The following CSMD2 variants were observed in gnomAD, a reference collection of about 807,000 sequenced individuals.
The protein encoded by CSMD2 is CUB and Sushi multiple domains 2.
In CSMD2, 130 loss-of-function variants were observed where a neutral mutation model predicts 398.5. That is an observed-to-expected ratio of 0.33 (90% CI 0.28 to 0.38). CSMD2 has a LOEUF of 0.38. CSMD2 is among the 10% of genes least tolerant of loss of function. The pLI is 1.00. For missense variants in CSMD2, 3,829 were observed against 4,764.9 expected, an observed-to-expected ratio of 0.80 and a Z score of 5.78; for synonymous variants, 1,828 against 1,908.5, an observed-to-expected ratio of 0.96 and a Z score of 1.10.
intron 5 of CSMD2, among the ~76,000 whole-genome samples, chr1:33,896,915 C>T (rs1011520630): frequency 7.3e-5 from 11 of 151,194 alleles, no homozygotes; most frequent in African/African-American, 2.2e-4. Flanking sequence ...GAAGAGCACG[C>T]GTGGCATCTA....
chr1:33,914,183 G>A (rs1203277405), intron 5 of CSMD2, among the ~76,000 whole-genome samples: 1 of 152,152 alleles, frequency 6.6e-6, no homozygotes. Context: ...TCAGAGCAGA[G>A]CAGAGAAAGA....
chr1:34,026,292 C>G (rs559874105), intron 3 of CSMD2, among the ~76,000 whole-genome samples: 124 of 149,806 alleles, frequency 8.3e-4, no homozygotes, highest in Non-Finnish European at 1.5e-3. Flanking sequence ...TGTACTATGC[C>G]ACCTTTCCCC....
intron 44 of CSMD2, among the ~76,000 whole-genome samples, chr1:33,590,294 ATTTTTTTTTTTTTT>A (rs56252015): frequency 1.4e-5 from 1 of 73,862 alleles, no homozygotes; most frequent in Non-Finnish European, 2.5e-5. Context: ...GCTAATTAAA[ATTTTTTTTTTTTTT>A]TTTTTTTTTT....
At chr1:33,604,975 C>G (rs950472555) in intron 42 of CSMD2, among the ~76,000 whole-genome samples, 3 of 152,328 alleles carry the variant, frequency 2.0e-5, no homozygotes, top group African/African-American at 4.8e-5. Context: ...TCACATGGAG[C>G]CTTCCCTTCC....
In CSMD2 at chr1:33,751,001, C is replaced by T. The variant is rs148088929; in HGVS notation, c.1847-7395G>A. On this transcript the variant is annotated intron_variant, in intron 13 of 70. Transcript: ENST00000373381. Reference sequence around the variant, plus strand: ...GAGACAAATGGAGAGAAAATATGTGCAAGTTACTACATTTAAATATTTACT... The same window carrying T: ...GAGACAAATGGAGAGAAAATATGTGTAAGTTACTACATTTAAATATTTACT... Among the ~76,000 whole-genome samples, 13 of 152,090 alleles carry T rather than the reference C, an allele frequency of 8.5e-5. No individual in the cohort carries two copies. In the East Asian group the frequency reaches 2.3e-3, roughly 27 times the overall value.
At chr1:33,844,647 C>T (rs940876779) in intron 6 of CSMD2, among the ~76,000 whole-genome samples, 27 of 152,190 alleles carry the variant, frequency 1.8e-4, no homozygotes, top group African/African-American at 6.5e-4. Flanking sequence ...CTGGCTCCTA[C>T]ATACTATTAA....
intron 23 of CSMD2, among the ~76,000 whole-genome samples, chr1:33,699,717 C>A (rs1422324325): frequency 3.3e-5 from 5 of 152,220 alleles, no homozygotes; most frequent in Non-Finnish European, 7.3e-5. Context: ...CATACATTCT[C>A]CCACCTAATG....
At chr1:33,926,468 C>T (rs1004618538) in intron 4 of CSMD2, among the ~76,000 whole-genome samples, 7 of 152,322 alleles carry the variant, frequency 4.6e-5, no homozygotes, top group African/African-American at 1.7e-4. Flanking sequence ...CTACCAGTCT[C>T]CTCTGAAGGC....
intron 6 of CSMD2, among the ~76,000 whole-genome samples, chr1:33,829,429 T>C (rs1426376594): frequency 1.3e-5 from 2 of 152,216 alleles, no homozygotes; most frequent in African/African-American, 4.8e-5. Context: ...TCAGGGTACA[T>C]GTGCACAACG....
rs61743144 is a variant in CSMD2 at position 33,724,288 on chromosome 1, G to A, written c.2910C>T (p.Gly970=). Residue 970 remains glycine (G), a synonymous_variant, in exon 19 of 71, where the codon GGC becomes GGT. Coordinates refer to ENST00000373381, the MANE Select transcript of CSMD2 (RefSeq NM_001281956.2). The part of the protein sequence containing the change: ...CEALCGGFIQ[G]SSGTILSPGF... ...CTGGCGACAAGATGGTCCCACTGGA[G>A]CCTTGAATGAAGCCACCACAGAGAG... The A allele has an allele frequency of 0.021, 34,065 of 1,613,646 alleles. 851 individuals carry two copies. Among genetic ancestry groups the A allele is most frequent in the Admixed American group, 0.09 (5,398 of 60,002 alleles).
At chr1:33,843,403 T>C (rs1421857514) in intron 6 of CSMD2, among the ~76,000 whole-genome samples, 1 of 152,236 alleles carries the variant, frequency 6.6e-6, no homozygotes, top group Non-Finnish European at 1.5e-5. Context: ...TTATTTTAAG[T>C]TTACTTCTTT....
intron 3 of CSMD2, among the ~76,000 whole-genome samples, chr1:33,989,883 G>A (rs1216338284): frequency 6.6e-6 from 1 of 152,134 alleles, no homozygotes; most frequent in Admixed American, 6.5e-5. Context: ...AACTTTTGGG[G>A]GCGATGGAGA....
chr1:34,068,995 T>C (rs1481327237), intron 2 of CSMD2, among the ~76,000 whole-genome samples: 1 of 152,226 alleles, frequency 6.6e-6, no homozygotes, highest in African/African-American at 2.4e-5. Flanking sequence ...GTCTTAGGTA[T>C]GTCTTTATCA....
At chr1:33,953,939 T>G (rs1645083029) in intron 3 of CSMD2, among the ~76,000 whole-genome samples, 1 of 152,162 alleles carries the variant, frequency 6.6e-6, no homozygotes, top group Non-Finnish European at 1.5e-5. Flanking sequence ...TGCCCAGTGA[T>G]TCTGGTTCCC....
intron 3 of CSMD2, among the ~76,000 whole-genome samples, chr1:34,006,611 T>C (rs1403378202): frequency 1.3e-5 from 2 of 152,190 alleles, no homozygotes; most frequent in Non-Finnish European, 2.9e-5. Context: ...TTGTCTGTCT[T>C]ACTTGTGAGC....
At chr1:34,038,355 C>T (rs1295234172) in intron 2 of CSMD2, among the ~76,000 whole-genome samples, 1 of 152,162 alleles carries the variant, frequency 6.6e-6, no homozygotes, top group Non-Finnish European at 1.5e-5. Context: ...ATGAGTTATC[C>T]TCCTTGCAGA....
At position 33,832,302 on chromosome 1, in the gene CSMD2, A is replaced by G. The variant is rs561830482; in HGVS notation, c.1034-6528T>C. ...GCAAATGTAAAAGAACAGAAATTAT[A>G]ACAAACTGTCTCTCAGAACACAGTG... On this transcript the variant is annotated intron_variant, in intron 6 of 70. Coordinates refer to ENST00000373381, the MANE Select transcript of CSMD2 (RefSeq NM_001281956.2). Among the ~76,000 whole-genome samples the G allele has an allele frequency of 2.0e-3, 303 of 152,152 alleles. 1 individual carries two copies. Among genetic ancestry groups the G allele is most frequent in the African/African-American group, 7.1e-3 (294 of 41,464 alleles).
chr1:33,801,025 G>A (rs941570995), intron 10 of CSMD2, among the ~76,000 whole-genome samples: 2 of 152,158 alleles, frequency 1.3e-5, no homozygotes, highest in Non-Finnish European at 2.9e-5. Flanking sequence ...ACTAGCTGCC[G>A]ATCACCTGCC....
At chr1:33,982,097 C>T (rs1325255) in intron 3 of CSMD2, among the ~76,000 whole-genome samples, 7,660 of 152,064 alleles carry the variant, frequency 0.05, 305 homozygotes, top group East Asian at 0.19. Flanking sequence ...GGTGACAGGA[C>T]GGTGAAGAAA....
Sources: allele counts gnomAD v4.1 joint callset (sites outside exome capture counted in the v4.1 genomes callset), GRCh38; gene constraint gnomAD v4.1.1; transcripts MANE v1.5; gene names NCBI Gene and HGNC (gene_info 2026-07-23, HGNC 2026-07-21).